Variants in GARIN4 observed in about 807,000 individuals in gnomAD.
GARIN4 encodes Golgi-associated RAB2 interactor protein 4.
the GARIN4 span, chr1:212,626,601 T>C: frequency 1.2e-6 from 2 of 1,613,848 alleles, no homozygotes; most frequent in Non-Finnish European, 1.7e-6. Flanking sequence ...GGCCAGGGGC[T>C]GGAGACGGTT....
chr1:212,625,149 C>A, the GARIN4 span: 5 of 1,614,162 alleles, frequency 3.1e-6, no homozygotes, highest in Non-Finnish European at 4.2e-6. Flanking sequence ...CTGGCACGAC[C>A]GGCCACCGGC....
the GARIN4 span, chr1:212,624,551 A>G: frequency 2.5e-4 from 51 of 205,880 alleles, no homozygotes; most frequent in Non-Finnish European, 4.2e-4. Flanking sequence ...AACTGTAATT[A>G]AAAAAATCAG....
At chr1:212,624,918 G>T in the GARIN4 span, 1 of 1,612,380 alleles carries the variant, frequency 6.2e-7, no homozygotes, top group Non-Finnish European at 8.5e-7. Flanking sequence ...ACGGCCCAGA[G>T]TGGCTCCAGC....
At chr1:212,626,164 G>T in the GARIN4 span, 7 of 1,614,060 alleles carry the variant, frequency 4.3e-6, no homozygotes, top group South Asian at 6.6e-5. Flanking sequence ...GAAGGGAAAA[G>T]GACAGGGCTC....
At chr1:212,626,236 G>A in the GARIN4 span, 1 of 1,614,206 alleles carries the variant, frequency 6.2e-7, no homozygotes, top group East Asian at 2.2e-5. Flanking sequence ...GGGGAGACAA[G>A]ATTGCCCAAA....
the GARIN4 span, chr1:212,625,897 G>A: frequency 1.6e-3 from 2,559 of 1,614,114 alleles, 6 homozygotes; most frequent in Non-Finnish European, 2.0e-3. Flanking sequence ...CAAACAGCAC[G>A]AAGGTGGCTG....
chr1:212,625,192 C>G, the GARIN4 span: 1 of 1,613,998 alleles, frequency 6.2e-7, no homozygotes, highest in South Asian at 1.1e-5. Flanking sequence ...GCCAGGCCAC[C>G]AAGAGAAAAA....
At chr1:212,626,421 C>T in the GARIN4 span, 7 of 1,614,198 alleles carry the variant, frequency 4.3e-6, no homozygotes, top group East Asian at 4.5e-5. Context: ...TTATGGACCA[C>T]CAGTTCCGGT....
At chr1:212,625,051 A>C in the GARIN4 span, 1 of 1,614,186 alleles carries the variant, frequency 6.2e-7, no homozygotes, top group East Asian at 2.2e-5. Context: ...AAAGGGGAGA[A>C]GTGATTGATG....
the GARIN4 span, chr1:212,625,070 C>T: frequency 9.9e-6 from 16 of 1,613,980 alleles, no homozygotes; most frequent in East Asian, 1.3e-4. Context: ...TGTGCACAAC[C>T]GTGTCCGTAT....
the GARIN4 span, chr1:212,625,451 A>G: frequency 6.2e-7 from 1 of 1,614,194 alleles, no homozygotes; most frequent in Non-Finnish European, 8.5e-7. Context: ...AGCTGAAGAC[A>G]TGATGTGGAT....
the GARIN4 span, chr1:212,626,039 G>C: frequency 6.2e-7 from 1 of 1,614,258 alleles, no homozygotes; most frequent in Non-Finnish European, 8.5e-7. Context: ...AGCAGACATG[G>C]ATGCAGCAGC....
At chr1:212,624,937 G>A in the GARIN4 span, 2 of 1,613,704 alleles carry the variant, frequency 1.2e-6, no homozygotes, top group Non-Finnish European at 8.5e-7. Flanking sequence ...GCATGAGCAT[G>A]TTCAACACCA....
At chr1:212,625,282 GA>G in the GARIN4 span, 3 of 1,614,238 alleles carry the variant, frequency 1.9e-6, no homozygotes, top group Non-Finnish European at 2.5e-6. Context: ...AAGACCATGA[GA>G]AACAACAGCT....
chr1:212,625,686 C>A, the GARIN4 span: 19 of 1,613,980 alleles, frequency 1.2e-5, no homozygotes, highest in Middle Eastern at 3.3e-4. Flanking sequence ...GCTGAGGAGC[C>A]AGCAACAGGG....
At chr1:212,626,203 A>G in the GARIN4 span, 1 of 1,614,134 alleles carries the variant, frequency 6.2e-7, no homozygotes, top group South Asian at 1.1e-5. Flanking sequence ...GCCGCAGGAC[A>G]GGTGAAAGCC....
At chr1:212,624,735 T>A in the GARIN4 span, 10 of 1,410,240 alleles carry the variant, frequency 7.1e-6, no homozygotes, top group Non-Finnish European at 9.2e-6. Context: ...AGTGGGGGCC[T>A]GTGGGGTGGG....
chr1:212,626,452 G>A, the GARIN4 span: 2 of 1,614,052 alleles, frequency 1.2e-6, no homozygotes, highest in African/African-American at 2.7e-5. Flanking sequence ...GACTTGGCAG[G>A]GTCAGCTCTT....
chr1:212,625,919 G>T, the GARIN4 span: 14 of 1,614,088 alleles, frequency 8.7e-6, no homozygotes, highest in South Asian at 5.5e-5. Flanking sequence ...GGCAGGGGCT[G>T]CAGGCAAGTC....
Sources: allele counts gnomAD v4.1 joint callset, GRCh38; gene constraint gnomAD v4.1.1; transcripts MANE v1.5; gene names NCBI Gene and HGNC (gene_info 2026-07-23, HGNC 2026-07-21).